Variants in ERC2 observed in about 807,000 individuals in gnomAD.
The protein encoded by ERC2 is ERC protein 2.
ERC2 carries 42 observed loss-of-function variants against 114.8 expected under a neutral mutation model. That is an observed-to-expected ratio of 0.37 (90% CI 0.29 to 0.47). ERC2 has a LOEUF of 0.47. Among genes scored for constraint, ERC2 ranks in the 20% least tolerant of loss-of-function variants. The pLI, the probability that ERC2 is intolerant of heterozygous loss-of-function variation, is 0.99. For synonymous variants in ERC2, 454 were observed against 425.5 expected, an observed-to-expected ratio of 1.07 and a Z score of -0.82; for missense variants, 939 against 1,150.7, an observed-to-expected ratio of 0.82 and a Z score of 2.66.
chr3:56,161,579 G>A (rs557533801), intron 4 of ERC2, among the ~76,000 whole-genome samples: 9 of 152,264 alleles, frequency 5.9e-5, no homozygotes, highest in African/African-American at 2.2e-4. Flanking sequence ...TCTTTGAGCA[G>A]TGTTTTGCAG....
intron 3 of ERC2, among the ~76,000 whole-genome samples, chr3:56,231,795 T>A (rs1234202094): frequency 1.3e-5 from 2 of 152,152 alleles, no homozygotes; most frequent in Non-Finnish European, 2.9e-5. Flanking sequence ...GTGACTTCAC[T>A]AACAGACCCA....
intron 17 of ERC2, among the ~76,000 whole-genome samples, chr3:55,531,397 C>A (rs533573481): frequency 6.6e-6 from 1 of 152,254 alleles, no homozygotes; most frequent in East Asian, 1.9e-4. Flanking sequence ...GAAAAGGAAG[C>A]TGATCCTTCC....
At chr3:56,436,998 G>A (rs906121234) in intron 1 of ERC2, among the ~76,000 whole-genome samples, 1 of 152,190 alleles carries the variant, frequency 6.6e-6, no homozygotes, top group Non-Finnish European at 1.5e-5. Flanking sequence ...CCAGGTGACT[G>A]ATTGCATTAA....
At chr3:56,303,669 T>C (rs1270422388) in intron 2 of ERC2, among the ~76,000 whole-genome samples, 1 of 152,198 alleles carries the variant, frequency 6.6e-6, no homozygotes, top group Non-Finnish European at 1.5e-5. Flanking sequence ...CCTCTTCTTA[T>C]AAGGAGCAAA....
intron 6 of ERC2, among the ~76,000 whole-genome samples, chr3:56,111,022 G>A (rs1024670278): frequency 1.3e-5 from 2 of 152,060 alleles, no homozygotes; most frequent in Non-Finnish European, 2.9e-5. Flanking sequence ...TAGGGCCACC[G>A]AGGGACAGTG....
intron 16 of ERC2, among the ~76,000 whole-genome samples, chr3:55,698,192 A>AATGTTGGGGTCTCG: frequency 6.6e-6 from 1 of 151,882 alleles, no homozygotes; most frequent in East Asian, 1.9e-4. Context: ...CACCTTCAGC[A>AATGTTGGGGTCTCG]ATGTTGGGGT....
intron 2 of ERC2, among the ~76,000 whole-genome samples, chr3:56,407,221 C>T (rs1292213675): frequency 6.6e-6 from 1 of 152,194 alleles, no homozygotes; most frequent in East Asian, 1.9e-4. Context: ...GTCCTTTTTC[C>T]AAGTTTTATT....
At chr3:55,963,420 C>T (rs1267818646) in intron 12 of ERC2, among the ~76,000 whole-genome samples, 4 of 152,272 alleles carry the variant, frequency 2.6e-5, no homozygotes, top group Admixed American at 2.0e-4. Flanking sequence ...CTCAACACAA[C>T]GTTCCCTTTT....
intron 14 of ERC2, among the ~76,000 whole-genome samples, chr3:55,789,828 T>C (rs1020635642): frequency 2.6e-5 from 4 of 152,168 alleles, no homozygotes; most frequent in Admixed American, 6.5e-5. Flanking sequence ...ATCATCTACA[T>C]CCCTTGACAA....
At chr3:55,656,789 G>T (rs1026059114) in intron 17 of ERC2, among the ~76,000 whole-genome samples, 3 of 150,660 alleles carry the variant, frequency 2.0e-5, no homozygotes, top group Non-Finnish European at 1.5e-5. Context: ...AACCTGGAAT[G>T]TCCAACTGTG....
intron 2 of ERC2, among the ~76,000 whole-genome samples, chr3:56,357,949 G>C (rs2058808035): frequency 1.3e-5 from 2 of 151,430 alleles, no homozygotes; most frequent in Non-Finnish European, 2.9e-5. Context: ...TCCTTATAAT[G>C]TTTCCTTTTC....
intron 17 of ERC2, among the ~76,000 whole-genome samples, chr3:55,618,413 A>G (rs2059207061): frequency 6.6e-6 from 1 of 152,226 alleles, no homozygotes; most frequent in Admixed American, 6.5e-5. Context: ...ATAAAGGTTA[A>G]GCCCAAAAGG....
intron 7 of ERC2, among the ~76,000 whole-genome samples, chr3:56,030,112 T>C (rs1380667613): frequency 6.6e-6 from 1 of 152,168 alleles, no homozygotes; most frequent in African/African-American, 2.4e-5. Context: ...CAAGTGTTTA[T>C]AGATCCCCTT....
intron 14 of ERC2, among the ~76,000 whole-genome samples, chr3:55,798,971 T>G (rs1559673179): frequency 1.3e-5 from 2 of 152,112 alleles, no homozygotes; most frequent in African/African-American, 4.8e-5. Context: ...AATTTATTGC[T>G]AAAAAAATAA....
At chr3:55,556,177 C>A (rs2055592898) in intron 17 of ERC2, among the ~76,000 whole-genome samples, 1 of 152,196 alleles carries the variant, frequency 6.6e-6, no homozygotes, top group Non-Finnish European at 1.5e-5. Context: ...AACTCTTCAT[C>A]CAGCTTTAAA....
At chr3:55,981,873 G>C (rs769300804) in intron 12 of ERC2, among the ~76,000 whole-genome samples, 12 of 152,104 alleles carry the variant, frequency 7.9e-5, no homozygotes, top group Non-Finnish European at 1.5e-4. Context: ...AGTGGGGTGA[G>C]ACAAACCCAA....
At position 55,565,587 on chromosome 3, in the gene ERC2, C is replaced by G. The variant is rs1397516309; in HGVS notation, c.*40-54311G>C. On this transcript the variant is annotated intron_variant, in intron 17 of 17. Coordinates refer to ENST00000288221, the MANE Select transcript of ERC2 (RefSeq NM_015576.3). ...ATGCTACCATCAGGACTATCATAAACCACTCAGAAAAAAAAAAAGTGCTAA... is the reference window on the plus strand; with the variant it reads ...ATGCTACCATCAGGACTATCATAAAGCACTCAGAAAAAAAAAAAGTGCTAA... 2.0e-5 allele frequency among the ~76,000 whole-genome samples: 3 copies of G among 151,738 alleles called. No homozygotes were observed. In the East Asian group the frequency reaches 5.8e-4, roughly 29 times the overall value.
intron 14 of ERC2, among the ~76,000 whole-genome samples, chr3:55,764,193 T>C (rs1463767): frequency 0.81 from 122,614 of 152,272 alleles, 49,966 homozygotes; most frequent in African/African-American, 0.93. Flanking sequence ...AAAGTGTTTA[T>C]CTCTCTGAAG....
At chr3:56,393,326 A>T in intron 2 of ERC2, among the ~76,000 whole-genome samples, 1 of 152,188 alleles carries the variant, frequency 6.6e-6, no homozygotes, top group East Asian at 1.9e-4. Flanking sequence ...TGAACCTGGG[A>T]GGCAGAAGTT....
Sources: allele counts gnomAD v4.1 joint callset (sites outside exome capture counted in the v4.1 genomes callset), GRCh38; gene constraint gnomAD v4.1.1; transcripts MANE v1.5; gene names NCBI Gene and HGNC (gene_info 2026-07-23, HGNC 2026-07-21).